Variants in GRIK2 observed in about 807,000 individuals in gnomAD.
The protein encoded by GRIK2 is glutamate receptor ionotropic, kainate 2.
Under a neutral mutation model 100.3 loss-of-function variants are expected in GRIK2, and 32 were observed. The observed-to-expected ratio is 0.32, with a 90% CI of 0.24 to 0.43. The LOEUF is 0.43. Ranked by LOEUF, GRIK2 falls within the 20% of genes least tolerant of loss-of-function variation. The probability of loss-of-function intolerance (pLI) is 1.00; values close to 1 mark genes in which losing one functional copy is unlikely to be tolerated. For missense variants in GRIK2, 843 were observed against 1,114.9 expected, an observed-to-expected ratio of 0.76 and a Z score of 3.47; for synonymous variants, 417 against 389.4, an observed-to-expected ratio of 1.07 and a Z score of -0.83.
At chr6:101,542,199 A>G (rs181420763) in intron 2 of GRIK2, among the ~76,000 whole-genome samples, 137 of 152,160 alleles carry the variant, frequency 9.0e-4, no homozygotes, top group African/African-American at 3.2e-3. Flanking sequence ...AGAACTAATC[A>G]TAGTTTATAA....
intron 7 of GRIK2, among the ~76,000 whole-genome samples, chr6:101,753,669 AAAG>A (rs1230501320): frequency 4.6e-5 from 7 of 151,852 alleles, no homozygotes; most frequent in Admixed American, 2.0e-4. Flanking sequence ...TATGACAAAA[AAAG>A]AAAAAAAAGG....
intron 3 of GRIK2, among the ~76,000 whole-genome samples, chr6:101,625,147 G>A (rs974012321): frequency 6.6e-6 from 1 of 152,048 alleles, no homozygotes; most frequent in African/African-American, 2.4e-5. Flanking sequence ...GCCGAGGCGG[G>A]TGGATCACGA....
intron 7 of GRIK2, among the ~76,000 whole-genome samples, chr6:101,752,573 A>G (rs1776860772): frequency 1.3e-5 from 2 of 152,224 alleles, no homozygotes; most frequent in South Asian, 4.1e-4. Context: ...TCCAACTCAA[A>G]TTTAGAACTA....
chr6:101,897,730 G>T (rs557057682), intron 12 of GRIK2, among the ~76,000 whole-genome samples: 2 of 151,816 alleles, frequency 1.3e-5, no homozygotes, highest in South Asian at 2.1e-4. Flanking sequence ...AAGAAATAAA[G>T]AATTGTTTAC....
intron 2 of GRIK2, among the ~76,000 whole-genome samples, chr6:101,400,898 C>G (rs1258562265): frequency 6.6e-6 from 1 of 152,166 alleles, no homozygotes; most frequent in Non-Finnish European, 1.5e-5. Flanking sequence ...TACTTAAGCA[C>G]GTTGCTCTTA....
intron 12 of GRIK2, among the ~76,000 whole-genome samples, chr6:101,896,394 G>GA (rs1392585461): frequency 4.0e-5 from 6 of 151,704 alleles, no homozygotes; most frequent in Non-Finnish European, 5.9e-5. Flanking sequence ...AAAGATTTGA[G>GA]AAAAAATTGA....
At chr6:101,430,789 A>T in intron 2 of GRIK2, 1 of 245,278 alleles carries the variant, frequency 4.1e-6, no homozygotes, top group South Asian at 6.8e-5. Flanking sequence ...AGGGAGGAAG[A>T]GGATGCCATG....
intron 10 of GRIK2, among the ~76,000 whole-genome samples, chr6:101,834,218 G>T (rs151308796): frequency 2.6e-5 from 4 of 151,812 alleles, no homozygotes; most frequent in Non-Finnish European, 4.4e-5. Flanking sequence ...ATTCTTTGAG[G>T]CTTAAAATTT....
chr6:101,602,787 C>T (rs1428245496), intron 2 of GRIK2, among the ~76,000 whole-genome samples: 1 of 151,622 alleles, frequency 6.6e-6, no homozygotes, highest in African/African-American at 2.4e-5. Flanking sequence ...TAACTAGAAT[C>T]AGTATAGAAA....
At chr6:102,009,727 T>C (rs1035513328) in intron 14 of GRIK2, among the ~76,000 whole-genome samples, 3 of 152,162 alleles carry the variant, frequency 2.0e-5, no homozygotes, top group African/African-American at 7.2e-5. Context: ...TTCCAAACTC[T>C]TACGGTGTAA....
At chr6:101,652,949 A>C (rs936288177) in intron 4 of GRIK2, among the ~76,000 whole-genome samples, 1 of 152,124 alleles carries the variant, frequency 6.6e-6, no homozygotes, top group Non-Finnish European at 1.5e-5. Flanking sequence ...AGAAGACTAC[A>C]TATCACGTAG....
At chr6:102,017,300 T>A (rs1260595055) in intron 14 of GRIK2, among the ~76,000 whole-genome samples, 1 of 152,084 alleles carries the variant, frequency 6.6e-6, no homozygotes, top group Non-Finnish European at 1.5e-5. Context: ...CCAAACACTT[T>A]TAAAACCATC....
intron 2 of GRIK2, among the ~76,000 whole-genome samples, chr6:101,544,324 T>C (rs1021045790): frequency 6.6e-6 from 1 of 152,222 alleles, no homozygotes; most frequent in Non-Finnish European, 1.5e-5. Context: ...TTGTGCATTC[T>C]AAACATAAGT....
At chr6:101,930,786 C>T (rs569425932) in intron 14 of GRIK2, among the ~76,000 whole-genome samples, 1 of 151,822 alleles carries the variant, frequency 6.6e-6, no homozygotes, top group Non-Finnish European at 1.5e-5. Context: ...TTTTTGCCTA[C>T]TTTCACTTTT....
intron 7 of GRIK2, among the ~76,000 whole-genome samples, chr6:101,794,735 C>T (rs1780169698): frequency 6.6e-6 from 1 of 151,460 alleles, no homozygotes; most frequent in South Asian, 2.1e-4. Flanking sequence ...ATCTATTTTT[C>T]ACTGAATATT....
intron 14 of GRIK2, among the ~76,000 whole-genome samples, chr6:101,946,726 A>G (rs1044440702): frequency 6.6e-6 from 1 of 152,260 alleles, no homozygotes; most frequent in African/African-American, 2.4e-5. Flanking sequence ...TCTGAACTCA[A>G]TTCTACTGCT....
intron 2 of GRIK2, among the ~76,000 whole-genome samples, chr6:101,479,754 T>A (rs1188985395): frequency 6.6e-6 from 1 of 152,230 alleles, no homozygotes; most frequent in African/African-American, 2.4e-5. Context: ...CATGTCTTTT[T>A]AACCTTTACC....
intron 7 of GRIK2, among the ~76,000 whole-genome samples, chr6:101,711,334 A>T (rs1050702607): frequency 1.3e-5 from 2 of 151,824 alleles, no homozygotes; most frequent in African/African-American, 4.8e-5. Context: ...ATAATATTTT[A>T]AAAATATTCT....
intron 7 of GRIK2, among the ~76,000 whole-genome samples, chr6:101,692,623 A>T (rs1347528284): frequency 6.6e-6 from 1 of 152,070 alleles, no homozygotes; most frequent in African/African-American, 2.4e-5. Flanking sequence ...GTCTTCCTGA[A>T]AATTCTTGTT....
Sources: allele counts gnomAD v4.1 joint callset (sites outside exome capture counted in the v4.1 genomes callset), GRCh38; gene constraint gnomAD v4.1.1; transcripts MANE v1.5; gene names NCBI Gene and HGNC (gene_info 2026-07-23, HGNC 2026-07-21).